The following KCNH1 variants were observed in gnomAD, a reference collection of about 807,000 sequenced individuals.
The protein encoded by KCNH1 is voltage-gated delayed rectifier potassium channel KCNH1.
Under a neutral mutation model 69.2 loss-of-function variants are expected in KCNH1, and 27 were observed. The ratio of observed to expected loss-of-function variants is 0.39; its 90% CI spans 0.29 to 0.54. The LOEUF is 0.54. Among genes scored for constraint, KCNH1 ranks in the 20% least tolerant of loss-of-function variants. The probability of loss-of-function intolerance (pLI) is 0.68; values close to 1 mark genes in which losing one functional copy is unlikely to be tolerated. For missense variants in KCNH1, 798 were observed against 1,261.6 expected, an observed-to-expected ratio of 0.63 and a Z score of 5.57; for synonymous variants, 456 against 487.7, an observed-to-expected ratio of 0.93 and a Z score of 0.86.
At chr1:210,954,273 A>G (rs1688121193) in intron 6 of KCNH1, among the ~76,000 whole-genome samples, 1 of 152,190 alleles carries the variant, frequency 6.6e-6, no homozygotes, top group Non-Finnish European at 1.5e-5. Context: ...CATGGTGTAT[A>G]TGTGCCACAT....
rs1169959625 is a variant in KCNH1 at position 210,834,428 on chromosome 1, G to A, written c.1463-30262C>T. Among the ~76,000 whole-genome samples the A allele has an allele frequency of 1.4e-3, 198 of 138,512 alleles. 2 individuals carry two copies. The highest frequency in any genetic ancestry group is 5.2e-3 in the African/African-American group (192 of 36,686). 90.9% of individuals were successfully genotyped at this position (138,512 alleles called of 152,430 possible). ...AAATCATCATTCTCAGTAAACTATC[G>A]CAAGAACAAAAAACCAAACACCGCA... is the stretch of plus-strand genomic sequence containing the variant. On this transcript the variant is annotated intron_variant, in intron 7 of 10. Coordinates refer to ENST00000271751, the MANE Select transcript of KCNH1 (RefSeq NM_172362.3).
intron 10 of KCNH1, among the ~76,000 whole-genome samples, chr1:210,725,836 A>G (rs1682577344): frequency 6.6e-6 from 1 of 152,254 alleles, no homozygotes; most frequent in Admixed American, 6.5e-5. Context: ...TTTGTCAGGA[A>G]TGTCCATTAT....
chr1:211,036,238 C>T (rs1235127538), intron 5 of KCNH1, among the ~76,000 whole-genome samples: 1 of 152,052 alleles, frequency 6.6e-6, no homozygotes, highest in Non-Finnish European at 1.5e-5. Flanking sequence ...GTTGGTTAGG[C>T]AATCATGATG....
intron 3 of KCNH1, among the ~76,000 whole-genome samples, chr1:211,094,279 T>C (rs1239157510): frequency 6.6e-6 from 1 of 152,142 alleles, no homozygotes; most frequent in Non-Finnish European, 1.5e-5. Flanking sequence ...CCACCGCTGA[T>C]CTGACAGGAG....
intron 5 of KCNH1, among the ~76,000 whole-genome samples, chr1:211,081,965 A>G (rs924671542): frequency 7.2e-5 from 11 of 152,202 alleles, no homozygotes; most frequent in African/African-American, 2.7e-4. Flanking sequence ...TTAAAGTATA[A>G]CAAAGAGAAG....
chr1:210,877,089 C>G lies in KCNH1; in HGVS notation c.1462+42551G>C, dbSNP rs539814006. ...GAATTAAAAAAAAAAAAAAAGTCACCACAAAGCCTGAATCTCATAGTTCAC... is the reference window on the plus strand; with the variant it reads ...GAATTAAAAAAAAAAAAAAAGTCACGACAAAGCCTGAATCTCATAGTTCAC... On this transcript the variant is annotated intron_variant, in intron 7 of 10. Transcript: ENST00000271751. Among the ~76,000 whole-genome samples the G allele has an allele frequency of 4.7e-5, 7 of 148,306 alleles. No homozygotes were observed. In the South Asian group the frequency reaches 1.5e-3, roughly 32 times the overall value.
chr1:211,124,512 C>T (rs1691743552), intron 1 of KCNH1, among the ~76,000 whole-genome samples: 1 of 152,094 alleles, frequency 6.6e-6, no homozygotes, highest in Non-Finnish European at 1.5e-5. Flanking sequence ...GGCGTGGTGG[C>T]GGGTGCCTGT....
chr1:210,762,186 A>G (rs751462863), intron 10 of KCNH1, among the ~76,000 whole-genome samples: 10 of 152,174 alleles, frequency 6.6e-5, no homozygotes, highest in Non-Finnish European at 1.3e-4. Flanking sequence ...ACAAATGAAA[A>G]TAGAGACATG....
chr1:210,881,711 G>T (rs765742251), intron 7 of KCNH1, among the ~76,000 whole-genome samples: 13 of 152,146 alleles, frequency 8.5e-5, no homozygotes, highest in Admixed American at 2.0e-4. Flanking sequence ...AAAAAGAAAT[G>T]AGTTATGAAG....
chr1:211,033,974 A>G (rs1689847344), intron 5 of KCNH1, among the ~76,000 whole-genome samples: 1 of 152,218 alleles, frequency 6.6e-6, no homozygotes, highest in Non-Finnish European at 1.5e-5. Context: ...TAGATCATTC[A>G]TATATTCTTA....
chr1:211,010,850 TGGTA>T (rs1476069235), intron 6 of KCNH1, among the ~76,000 whole-genome samples: 1 of 152,136 alleles, frequency 6.6e-6, no homozygotes, highest in Non-Finnish European at 1.5e-5. Context: ...CAAGAAAAGT[TGGTA>T]GGGAACTAAA....
chr1:211,028,117 T>C (rs1378771041), intron 5 of KCNH1, among the ~76,000 whole-genome samples: 1 of 151,980 alleles, frequency 6.6e-6, no homozygotes, highest in East Asian at 1.9e-4. Context: ...ATACAACAAT[T>C]AAAATCACCA....
Position 210,919,941 on chromosome 1 carries a change from C to A in KCNH1, c.1161G>T (p.Gly387=). The A allele has an allele frequency of 6.2e-7, 1 of 1,614,148 alleles. No individual in the cohort carries two copies. Among genetic ancestry groups the A allele is most frequent in the Non-Finnish European group, 8.5e-7 (1 of 1,180,018 alleles). The change falls in exon 7 of 11, where the codon GGG becomes GGT. Residue 387 remains glycine, a synonymous_variant. Transcript: ENST00000271751. The surrounding 1 kb of genome is among the most constrained non-coding windows in gnomAD (Gnocchi z 4.2). ...AVLVLLVCVF[G]LAAHWMACIW... ...TGCAGGCCATCCAGTGTGCAGCCAG[C>A]CCAAACACACACACCAGCAGGACCA... is the stretch of plus-strand genomic sequence containing the variant.
At chr1:210,731,815 G>A (rs997858307) in intron 10 of KCNH1, among the ~76,000 whole-genome samples, 2 of 152,152 alleles carry the variant, frequency 1.3e-5, no homozygotes, top group Non-Finnish European at 2.9e-5. Context: ...GCAAGTGAGA[G>A]AATCAACATA....
At chr1:211,044,788 T>C (rs1350546011) in intron 5 of KCNH1, among the ~76,000 whole-genome samples, 1 of 151,798 alleles carries the variant, frequency 6.6e-6, no homozygotes, top group East Asian at 1.9e-4. Flanking sequence ...AAGGAAACAC[T>C]TCTACACTAC....
intron 10 of KCNH1, among the ~76,000 whole-genome samples, chr1:210,730,281 T>A (rs1682712214): frequency 6.6e-6 from 1 of 152,118 alleles, no homozygotes; most frequent in Admixed American, 6.5e-5. Flanking sequence ...CATATCCAAA[T>A]TCCCTTCTTT....
At chr1:211,097,295 A>G (rs1691175123) in intron 3 of KCNH1, among the ~76,000 whole-genome samples, 1 of 152,188 alleles carries the variant, frequency 6.6e-6, no homozygotes, top group Non-Finnish European at 1.5e-5. Flanking sequence ...ATATTTTAGC[A>G]CAACTATAAA....
At chr1:211,086,463 A>C (rs975409310) in intron 4 of KCNH1, among the ~76,000 whole-genome samples, 3 of 152,202 alleles carry the variant, frequency 2.0e-5, no homozygotes, top group African/African-American at 7.2e-5. Context: ...AGGGCTGCGG[A>C]TGCCATGAGA....
chr1:210,930,803 A>C (rs948473191), intron 6 of KCNH1, among the ~76,000 whole-genome samples: 2 of 152,220 alleles, frequency 1.3e-5, no homozygotes, highest in Non-Finnish European at 2.9e-5. Context: ...GAGGACTAAT[A>C]TCCAGAATCA....
Sources: allele counts gnomAD v4.1 joint callset (sites outside exome capture counted in the v4.1 genomes callset), GRCh38; gene constraint gnomAD v4.1.1; non-coding constraint Gnocchi (gnomAD v3.1); transcripts MANE v1.5; gene names NCBI Gene and HGNC (gene_info 2026-07-23, HGNC 2026-07-21).